The following IMPG2 variants were observed in gnomAD, a reference collection of about 807,000 sequenced individuals.
IMPG2 encodes IPM 200.
IMPG2 carries 91 observed loss-of-function variants against 129.2 expected under a neutral mutation model. The observed-to-expected ratio is 0.70, with a 90% confidence interval of 0.59 to 0.84. The LOEUF (loss-of-function observed/expected upper bound fraction) is 0.84. Ranked by LOEUF, IMPG2 falls within the 40% of genes least tolerant of loss-of-function variation. The probability of loss-of-function intolerance (pLI) is 0.00; values close to 1 mark genes in which losing one functional copy is unlikely to be tolerated. For missense variants in IMPG2, 1,430 were observed against 1,461.7 expected (o/e 0.98, Z 0.35); for synonymous variants, 510 against 517.7 (o/e 0.99, Z 0.20).
rs777120474 is a variant in IMPG2 at position 101,253,773 on chromosome 3, C to T, written c.1162G>A (p.Val388Ile). 2.5e-6 allele frequency: 4 copies of T among 1,608,930 alleles called. No homozygotes were observed. Among genetic ancestry groups the T allele is most frequent in the Non-Finnish European group, 3.4e-6 (4 of 1,176,850 alleles). Residue 388 changes from valine to isoleucine, a missense_variant, in exon 11 of 19, where the codon GTT becomes ATT. Transcript: ENST00000193391. ...DSLQLINVRGVLRHQTEDLVW... is the reference protein window; with the variant it reads ...DSLQLINVRGILRHQTEDLVW... ...AGATCTTCAGTTTGGTGACGCAAAA[C>T]TCCTCTCACTGAGGAAAGAACAATA... is the stretch of plus-strand genomic sequence containing the variant.
In IMPG2 at chr3:101,257,510, T is replaced by G; in HGVS notation, c.1153+19A>C. 1.2e-6 allele frequency: 2 copies of G among 1,612,900 alleles called. No individual in the cohort carries two copies. Among genetic ancestry groups the G allele is most frequent in the Non-Finnish European group, 1.7e-6 (2 of 1,179,240 alleles). On this transcript the variant is annotated intron_variant, in intron 10 of 18. Transcript: ENST00000193391. ...GAAAAGAAACTATACAAGGACTTCA[T>G]GATGGATATCAAACTCACCATTGAT...
At chr3:101,310,349 C>A (rs1707250532) in intron 2 of IMPG2, among the ~76,000 whole-genome samples, 1 of 152,040 alleles carries the variant, frequency 6.6e-6, no homozygotes, top group Non-Finnish European at 1.5e-5. Flanking sequence ...ATCACTCGAG[C>A]CCAGGAGTTC....
intron 11 of IMPG2, among the ~76,000 whole-genome samples, chr3:101,249,849 A>C (rs1706524733): frequency 1.3e-5 from 2 of 152,004 alleles, no homozygotes; most frequent in Non-Finnish European, 2.9e-5. Context: ...CTTTTCTAGT[A>C]AACTTTAGGA....
chr3:101,245,827 A>G lies in IMPG2; in HGVS notation c.1518T>C (p.Thr506=). ...TGLPVASEER[T]SGSHLVEDGL... The stretch of plus-strand genomic sequence containing the variant: ...CATCTTCTACCAAGTGAGATCCAGA[A>G]GTCCTTTCCTCAGAAGCCACAGGCA... The change falls in exon 12 of 19, where the codon ACT becomes ACC. Residue 506 remains threonine (T), a synonymous_variant. Coordinates refer to ENST00000193391, the MANE Select transcript of IMPG2 (RefSeq NM_016247.4). 1 of 1,614,164 alleles carries G rather than the reference A, an allele frequency of 6.2e-7. No individual in the cohort carries two copies. Among genetic ancestry groups the G allele is most frequent in the South Asian group, 1.1e-5 (1 of 91,088 alleles).
At chr3:101,302,004 C>A (rs1007097634) in intron 3 of IMPG2, among the ~76,000 whole-genome samples, 4 of 152,196 alleles carry the variant, frequency 2.6e-5, no homozygotes, top group Admixed American at 2.6e-4. Context: ...GATCTCCTGT[C>A]ATTCCTAGTC....
At position 101,256,114 on chromosome 3, in the gene IMPG2, GA is replaced by G. The variant is rs1396858511; in HGVS notation, c.1153+1414del. Among the ~76,000 whole-genome samples the G allele has an allele frequency of 1.3e-4, 13 of 97,560 alleles. No homozygotes were observed. The East Asian group carries it at 2.5e-3, about 19-fold the overall frequency. 64.0% of individuals were successfully genotyped at this position (97,560 alleles called of 152,430 possible). A position where few individuals can be genotyped will look rare whatever the true frequency, so the allele number is the denominator to read the frequency against. ...AGAAAGAAGGAAAGAAAGAAAGAAA[GA>G]AAAAGAAAGAGAGAAAGAAAGAAAG... On this transcript the variant is annotated intron_variant, in intron 10 of 18. Coordinates refer to ENST00000193391, the MANE Select transcript of IMPG2 (RefSeq NM_016247.4).
chr3:101,244,924 A>G, intron 12 of IMPG2, 137 bp from the exon 13 acceptor site: 2 of 710,026 alleles, frequency 2.8e-6, no homozygotes, highest in Non-Finnish European at 2.4e-6. Flanking sequence ...TTCTATATCT[A>G]GCAAACAACA....
At chr3:101,308,161 G>A (rs566908544) in intron 2 of IMPG2, among the ~76,000 whole-genome samples, 88 of 152,354 alleles carry the variant, frequency 5.8e-4, no homozygotes, top group Non-Finnish European at 1.2e-3. Flanking sequence ...GGCATTGAGT[G>A]TCTCTGGCTT....
At chr3:101,297,103 T>A (rs1707087516) in intron 3 of IMPG2, among the ~76,000 whole-genome samples, 1 of 152,032 alleles carries the variant, frequency 6.6e-6, no homozygotes, top group African/African-American at 2.4e-5. Flanking sequence ...AGAGACAGGG[T>A]TTCACCATGT....
chr3:101,284,729 C>T (rs1311225891), intron 4 of IMPG2, among the ~76,000 whole-genome samples: 1 of 152,176 alleles, frequency 6.6e-6, no homozygotes, highest in Non-Finnish European at 1.5e-5. Flanking sequence ...CACAGGATTT[C>T]AATGCACTTC....
chr3:101,264,855 C>T (rs978831742), intron 9 of IMPG2, among the ~76,000 whole-genome samples: 5 of 151,784 alleles, frequency 3.3e-5, no homozygotes, highest in African/African-American at 1.2e-4. Context: ...AGTAAGGTTG[C>T]AGGATACAAA....
At chr3:101,314,021 T>G (rs1486187542) in intron 2 of IMPG2, among the ~76,000 whole-genome samples, 2 of 152,106 alleles carry the variant, frequency 1.3e-5, no homozygotes, top group Non-Finnish European at 2.9e-5. Flanking sequence ...TAAATAAATC[T>G]GATAAAAGAT....
intron 7 of IMPG2, 114 bp downstream of exon 7, chr3:101,273,467 G>C (rs1706808620): frequency 9.0e-7 from 1 of 1,116,310 alleles, no homozygotes; most frequent in African/African-American, 1.6e-5. Context: ...ACCACTCCAG[G>C]AACCAAGTAG....
intron 11 of IMPG2, among the ~76,000 whole-genome samples, chr3:101,248,964 A>T (rs1235653002): frequency 6.6e-6 from 1 of 152,156 alleles, no homozygotes; most frequent in African/African-American, 2.4e-5. Flanking sequence ...CCAATGGGAA[A>T]CATAAGCAGA....
At chr3:101,275,537 A>C (rs1347269834) in intron 6 of IMPG2, 126 bp downstream of exon 6, 1 of 735,678 alleles carries the variant, frequency 1.4e-6, no homozygotes, top group East Asian at 2.6e-5. Flanking sequence ...TGGTTTTAGG[A>C]TCCATGTCAT....
chr3:101,287,495 T>A (rs1230779887), intron 4 of IMPG2, among the ~76,000 whole-genome samples: 5 of 151,978 alleles, frequency 3.3e-5, no homozygotes, highest in African/African-American at 1.2e-4. Flanking sequence ...AACCACACTA[T>A]AAGGCTACAG....
chr3:101,239,281 G>A (rs939682889), intron 14 of IMPG2, among the ~76,000 whole-genome samples: 10 of 152,152 alleles, frequency 6.6e-5, no homozygotes, highest in African/African-American at 2.2e-4. Context: ...TGAAGGATAT[G>A]AACAGACACT....
At chr3:101,241,796 G>A (rs960300068) in intron 14 of IMPG2, among the ~76,000 whole-genome samples, 1 of 152,094 alleles carries the variant, frequency 6.6e-6, no homozygotes, top group Non-Finnish European at 1.5e-5. Context: ...GGGAGGCCGA[G>A]GTAGGTGGAT....
intron 14 of IMPG2, among the ~76,000 whole-genome samples, chr3:101,236,254 G>C (rs887406588): frequency 2.6e-5 from 4 of 152,226 alleles, no homozygotes; most frequent in South Asian, 2.1e-4. Context: ...CTGAGGAGTT[G>C]AGGGAACATA....
Sources: gnomAD v4.1 joint callset for allele counts (sites outside exome capture counted in the v4.1 genomes callset) on GRCh38, gnomAD v4.1.1 for gene constraint, MANE v1.5 for transcripts, NCBI Gene and HGNC (gene_info 2026-07-23, HGNC 2026-07-21) for gene names.